Variants in MACROD1 observed in about 807,000 individuals in gnomAD.
MACROD1 encodes mono-ADP ribosylhydrolase 1.
A neutral mutation model predicts 41.4 loss-of-function variants in MACROD1; 31 were observed. The ratio of observed to expected loss-of-function variants is 0.75; its 90% confidence interval spans 0.56 to 1.01. The LOEUF (loss-of-function observed/expected upper bound fraction) is 1.01. Ranked by LOEUF, MACROD1 falls within the 50% of genes least tolerant of loss-of-function variation. The pLI, the probability that MACROD1 is intolerant of heterozygous loss-of-function variation, is 0.00. For missense variants in MACROD1, 473 were observed against 460.0 expected (o/e 1.03, Z -0.26); for synonymous variants, 252 against 203.4 (o/e 1.24, Z -2.03).
intron 4 of MACROD1, among the ~76,000 whole-genome samples, chr11:64,007,337 G>A (rs925835851): frequency 7.9e-5 from 12 of 152,346 alleles, no homozygotes; most frequent in African/African-American, 2.9e-4. Flanking sequence ...CCCCGAGGAA[G>A]GAGGGAGGGA....
chr11:64,083,128 T>C (rs962710735), intron 3 of MACROD1: 9 of 152,120 alleles, frequency 5.9e-5, no homozygotes, highest in African/African-American at 2.2e-4. Flanking sequence ...GATGAATGAG[T>C]AAACAGCAGT....
intron 3 of MACROD1, among the ~76,000 whole-genome samples, chr11:64,079,413 G>T (rs559107784): frequency 1.3e-5 from 2 of 152,134 alleles, no homozygotes; most frequent in East Asian, 3.9e-4. Flanking sequence ...GGATGGGGGG[G>T]TGTGCGAAGA....
intron 4 of MACROD1, among the ~76,000 whole-genome samples, chr11:64,010,961 T>C (rs1348340956): frequency 6.2e-4 from 86 of 137,704 alleles, no homozygotes; most frequent in Non-Finnish European, 1.1e-3. Context: ...TTGGCTGGCA[T>C]GTTGGTTGGC....
In MACROD1 at chr11:64,056,434, G is replaced by A. The variant is rs112599397; in HGVS notation, c.518-41153C>T. Among the ~76,000 whole-genome samples the A allele has an allele frequency of 3.9e-3, 589 of 152,328 alleles. 5 individuals carry two copies. Among genetic ancestry groups the A allele is most frequent in the Non-Finnish European group, 6.9e-3 (467 of 68,018 alleles). ...ACAGCCCAACCAGGCTGCCTGAGGG[G>A]AGGAGGGTGGGGAGGAAGGGGGAGC... On this transcript the variant is annotated intron_variant, in intron 3 of 10. Coordinates refer to ENST00000255681, the MANE Select transcript of MACROD1 (RefSeq NM_014067.4).
At chr11:64,102,047 T>C (rs1027330692) in intron 3 of MACROD1, among the ~76,000 whole-genome samples, 47 of 152,210 alleles carry the variant, frequency 3.1e-4, no homozygotes, top group African/African-American at 1.1e-3. Context: ...TGTTTTTATT[T>C]GTAACGGCCT....
chr11:64,100,938 T>C (rs1347337471), intron 3 of MACROD1, among the ~76,000 whole-genome samples: 4 of 152,100 alleles, frequency 2.6e-5, no homozygotes, highest in African/African-American at 7.2e-5. Flanking sequence ...CTTAGTGCCT[T>C]GGTTTTCTAA....
Position 64,036,763 on chromosome 11 carries a change from G to C in MACROD1, c.518-21482C>G, listed in dbSNP as rs2134375839. Among the ~76,000 whole-genome samples the C allele has an allele frequency of 6.6e-6, 1 of 152,324 alleles. No individual in the cohort carries two copies. Among genetic ancestry groups the C allele is most frequent in the East Asian group, 1.9e-4 (1 of 5,180 alleles). ...GGGCGGGGGCTGGGGCCGTACACCT[G>C]GCGGCTGGAACGGTGAGACCATGGT... On this transcript the variant is annotated intron_variant, in intron 3 of 10. Coordinates refer to ENST00000255681, the MANE Select transcript of MACROD1 (RefSeq NM_014067.4). The surrounding 1 kb of genome is among the most constrained non-coding windows in gnomAD (Gnocchi z 5.6).
intron 1 of MACROD1, among the ~76,000 whole-genome samples, chr11:64,155,382 G>A (rs1164433704): frequency 1.3e-5 from 2 of 152,246 alleles, no homozygotes; most frequent in African/African-American, 4.8e-5. Context: ...CCTAGACCCA[G>A]GCTGCGCCTT....
intron 3 of MACROD1, among the ~76,000 whole-genome samples, chr11:64,071,170 C>T (rs929566748): frequency 6.6e-6 from 1 of 152,074 alleles, no homozygotes; most frequent in Non-Finnish European, 1.5e-5. Flanking sequence ...ATAACCTCCT[C>T]TAAGGCCCCT....
intron 4 of MACROD1, chr11:64,001,734 C>T (rs1352937599): frequency 2.8e-6 from 2 of 702,288 alleles, no homozygotes; most frequent in Admixed American, 4.0e-5. Context: ...GCAGCTGTAG[C>T]CCAGGGCGAG....
chr11:64,117,229 C>A lies in MACROD1; in HGVS notation c.517+34010G>T, dbSNP rs368973071. On this transcript the variant is annotated intron_variant, in intron 3 of 10. Transcript: ENST00000255681. ...CTGTTCGACGACCTGGGGAACCTGG[C>A]CCAGCTGCTGCTCAGGAACAACCCT... The A allele has an allele frequency of 3.7e-6, 6 of 1,614,178 alleles. No homozygotes were observed. The Middle Eastern group carries it at 6.6e-4, about 178-fold the overall frequency.
intron 4 of MACROD1, among the ~76,000 whole-genome samples, chr11:64,004,985 G>T (rs1444348882): frequency 7.0e-6 from 1 of 142,924 alleles, no homozygotes; most frequent in African/African-American, 2.5e-5. Flanking sequence ...CCTGTCCAAG[G>T]CCCCACAGTG....
intron 3 of MACROD1, among the ~76,000 whole-genome samples, chr11:64,126,248 T>C (rs751980580): frequency 5.3e-5 from 8 of 152,182 alleles, no homozygotes; most frequent in Non-Finnish European, 1.2e-4. Context: ...GGACCCTGCC[T>C]GGTGCCTTCC....
At chr11:63,998,723 G>A in intron 10 of MACROD1, 36 bp from the exon 11 acceptor site, 9 of 1,411,614 alleles carry the variant, frequency 6.4e-6, no homozygotes, top group Admixed American at 3.0e-5. Context: ...GTCTATGGGC[G>A]TCCCCGACCT....
intron 3 of MACROD1, among the ~76,000 whole-genome samples, chr11:64,150,766 C>G (rs1945562845): frequency 6.6e-6 from 1 of 152,236 alleles, no homozygotes; most frequent in Non-Finnish European, 1.5e-5. Context: ...AGCTGAGCAG[C>G]TCCTGTTTCT....
chr11:64,043,476 G>A (rs1301446636), intron 3 of MACROD1, among the ~76,000 whole-genome samples: 1 of 152,176 alleles, frequency 6.6e-6, no homozygotes, highest in Non-Finnish European at 1.5e-5. Flanking sequence ...AAGTTGAGGT[G>A]TGGGTGACTC....
In MACROD1 at chr11:64,082,608, C is replaced by T. The variant is rs373032816; in HGVS notation, c.518-67327G>A. 4.6e-5 allele frequency among the ~76,000 whole-genome samples: 7 copies of T among 152,090 alleles called. No homozygotes were observed. Among genetic ancestry groups the T allele is most frequent in the Non-Finnish European group, 7.4e-5 (5 of 67,986 alleles). On this transcript the variant is annotated intron_variant, in intron 3 of 10. Transcript: ENST00000255681. This position sits in a 1 kb window ranked among gnomAD's most constrained non-coding sequence, Gnocchi z 4.5. ...AGCTTAGGGGTCCCTGGGCTGAAGA[C>T]GGAACCTCTGAGTGCAGGCACCAGG...
chr11:64,077,696 A>G (rs1316993306), intron 3 of MACROD1, among the ~76,000 whole-genome samples: 2 of 152,138 alleles, frequency 1.3e-5, no homozygotes, highest in Admixed American at 6.5e-5. Context: ...GTTGTCTGGG[A>G]GCATCAGCAT....
intron 1 of MACROD1, among the ~76,000 whole-genome samples, chr11:64,161,228 T>C (rs1405923838): frequency 3.9e-5 from 6 of 152,152 alleles, no homozygotes; most frequent in Non-Finnish European, 8.8e-5. Context: ...GGTACGTTCA[T>C]ATGCTGGAAC....
Sources: gnomAD v4.1 joint callset for allele counts (sites outside exome capture counted in the v4.1 genomes callset) on GRCh38, gnomAD v4.1.1 for gene constraint, Gnocchi (gnomAD v3.1) non-coding constraint, MANE v1.5 for transcripts, NCBI Gene and HGNC (gene_info 2026-07-23, HGNC 2026-07-21) for gene names.